The following GPRIN3 variants were observed in gnomAD, a reference collection of about 807,000 sequenced individuals.
GPRIN3 encodes G protein-regulated inducer of neurite outgrowth 3.
In GPRIN3, 12 loss-of-function variants were observed where a neutral mutation model predicts 13.7. The ratio of observed to expected loss-of-function variants is 0.87; its 90% CI spans 0.56 to 1.42. GPRIN3 has a LOEUF of 1.42. Ranked by LOEUF, GPRIN3 falls within the 40% of genes most tolerant of loss-of-function variation. The probability of loss-of-function intolerance (pLI) is 0.00; values close to 1 mark genes in which losing one functional copy is unlikely to be tolerated. For synonymous variants in GPRIN3, 377 were observed against 372.7 expected, an observed-to-expected ratio of 1.01 and a Z score of -0.13; for missense variants, 1,009 against 958.7, an observed-to-expected ratio of 1.05 and a Z score of -0.69.
At chr4:89,287,219 T>A (rs553139203) in intron 1 of GPRIN3, among the ~76,000 whole-genome samples, 5 of 152,262 alleles carry the variant, frequency 3.3e-5, no homozygotes, top group African/African-American at 1.2e-4. Flanking sequence ...AAATAACTCT[T>A]GTACTAGACA....
intron 1 of GPRIN3, among the ~76,000 whole-genome samples, chr4:89,293,516 CT>C (rs1296468454): frequency 6.6e-6 from 1 of 152,228 alleles, no homozygotes; most frequent in African/African-American, 2.4e-5. Flanking sequence ...CCCCACAGAT[CT>C]CCTCTTTTGG....
chr4:89,250,439 G>A (rs1179340209), intron 1 of GPRIN3: 7 of 197,554 alleles, frequency 3.5e-5, no homozygotes, highest in East Asian at 1.3e-4. Flanking sequence ...TTATAATTAC[G>A]AAAATATTAT....
At chr4:89,298,094 A>G (rs998450009) in intron 1 of GPRIN3, among the ~76,000 whole-genome samples, 4 of 152,178 alleles carry the variant, frequency 2.6e-5, no homozygotes, top group Admixed American at 6.5e-5. Context: ...TAGGAAAAAA[A>G]TGGAAATGAA....
In GPRIN3 at chr4:89,248,294, C is replaced by T. The variant is rs1323331154; in HGVS notation, c.1817G>A (p.Ser606Asn). 1 of 1,614,154 alleles carries T rather than the reference C, an allele frequency of 6.2e-7. No individual in the cohort carries two copies. ...GTCACCCATGGGATCAGATGGCAGG[C>T]TCAGGCTGGTGGCTGTCTTGGTCTG... ...NRQTKTATSLSLPSDPMGDSS... is the reference protein window; with the variant it reads ...NRQTKTATSLNLPSDPMGDSS... The change falls in exon 2 of 2, where the codon AGC becomes AAC. Residue 606 changes from serine (S) to asparagine (N), a missense_variant. Ser to Asn is a conservative substitution (Grantham distance 46). Transcript: ENST00000609438.
intron 1 of GPRIN3, among the ~76,000 whole-genome samples, chr4:89,307,269 T>TTA: frequency 6.8e-6 from 1 of 147,276 alleles, no homozygotes; most frequent in East Asian, 2.0e-4. Flanking sequence ...GAGACAAATG[T>TTA]CACACACACA....
At chr4:89,285,287 T>G (rs916609176) in intron 1 of GPRIN3, among the ~76,000 whole-genome samples, 2 of 152,010 alleles carry the variant, frequency 1.3e-5, no homozygotes, top group Non-Finnish European at 2.9e-5. Context: ...ACATGGCACA[T>G]GTATACCTAG....
chr4:89,249,820 G>T lies in GPRIN3; in HGVS notation c.291C>A (p.Pro97=), dbSNP rs141470892. 5.6e-6 allele frequency: 9 copies of T among 1,614,056 alleles called. No homozygotes were observed. In the East Asian group the frequency reaches 1.6e-4, roughly 28 times the overall value. ...TGCTCCCTGGCAGCTGGGGATTGCC[G>T]GGAGAGTTGAATGTGGCAGGTGCTT... The part of the protein sequence containing the change: ...VQKAPATFNS[P]GNPQLPGSSQ... Residue 97 remains proline (P), a synonymous_variant, in exon 2 of 2, where the codon CCC becomes CCA. Transcript: ENST00000609438.
chr4:89,283,215 A>G (rs1447633060), intron 1 of GPRIN3, among the ~76,000 whole-genome samples: 2 of 152,196 alleles, frequency 1.3e-5, no homozygotes. Flanking sequence ...ATTAAACATT[A>G]CTTTTTAGGC....
chr4:89,296,895 T>C (rs768520934), intron 1 of GPRIN3, among the ~76,000 whole-genome samples: 1 of 152,240 alleles, frequency 6.6e-6, no homozygotes, highest in Non-Finnish European at 1.5e-5. Flanking sequence ...ATTGCTCATT[T>C]AGAAGCTTTC....
At chr4:89,270,477 T>A (rs1723902928) in intron 1 of GPRIN3, among the ~76,000 whole-genome samples, 2 of 149,038 alleles carry the variant, frequency 1.3e-5, no homozygotes, top group African/African-American at 4.9e-5. Context: ...CTTTTTCCTG[T>A]ATGTATTTAC....
chr4:89,298,420 C>T (rs1415088564), intron 1 of GPRIN3, among the ~76,000 whole-genome samples: 3 of 151,938 alleles, frequency 2.0e-5, no homozygotes, highest in Non-Finnish European at 4.4e-5. Context: ...CTGAATTGCT[C>T]AGCATACAGG....
chr4:89,271,540 T>A (rs1348755005), intron 1 of GPRIN3, among the ~76,000 whole-genome samples: 4 of 152,030 alleles, frequency 2.6e-5, no homozygotes, highest in Non-Finnish European at 4.4e-5. Context: ...GTAAATGCTA[T>A]GTAAAGAGTT....
chr4:89,296,669 A>G (rs1305752149), intron 1 of GPRIN3, among the ~76,000 whole-genome samples: 4 of 152,130 alleles, frequency 2.6e-5, no homozygotes, highest in Admixed American at 6.5e-5. Context: ...GTGTGTGTGC[A>G]TATGTATGTG....
chr4:89,248,041 T>A lies in GPRIN3; in HGVS notation c.2070A>T (p.Gly690=). 1 of 1,614,086 alleles carries A rather than the reference T, an allele frequency of 6.2e-7. No homozygotes were observed. The highest frequency in any genetic ancestry group is 8.5e-7 in the Non-Finnish European group (1 of 1,179,982). ...ATGCACCATACACTTCCCAGGTCAT[T>A]CCCTGCTCATCCCACACGACGTCCC... is the stretch of plus-strand genomic sequence containing the variant. ...RVRDVVWDEQ[G]MTWEVYGASL... Residue 690 remains glycine (G), a synonymous_variant, in exon 2 of 2, where the codon GGA becomes GGT. Coordinates refer to ENST00000609438, the MANE Select transcript of GPRIN3 (RefSeq NM_198281.3).
intron 1 of GPRIN3, among the ~76,000 whole-genome samples, chr4:89,273,832 A>C (rs1317778192): frequency 6.6e-6 from 1 of 152,228 alleles, no homozygotes; most frequent in African/African-American, 2.4e-5. Context: ...ACCCATGACT[A>C]ATATGTTATG....
chr4:89,293,657 C>T (rs1397817797), intron 1 of GPRIN3, among the ~76,000 whole-genome samples: 2 of 152,182 alleles, frequency 1.3e-5, no homozygotes, highest in Admixed American at 6.5e-5. Context: ...TTATGGGTTT[C>T]ATTTTCTCCT....
At chr4:89,260,271 G>C (rs894015523) in intron 1 of GPRIN3, among the ~76,000 whole-genome samples, 1 of 152,148 alleles carries the variant, frequency 6.6e-6, no homozygotes, top group African/African-American at 2.4e-5. Flanking sequence ...AAATTCCTCA[G>C]GGTCTTATGG....
chr4:89,289,261 T>G (rs1424596203), intron 1 of GPRIN3, among the ~76,000 whole-genome samples: 1 of 151,732 alleles, frequency 6.6e-6, no homozygotes, highest in Non-Finnish European at 1.5e-5. Context: ...ATATCTGACC[T>G]GCATATTCTG....
intron 1 of GPRIN3, among the ~76,000 whole-genome samples, chr4:89,273,688 AAAAC>A (rs1355609825): frequency 6.6e-6 from 1 of 152,230 alleles, no homozygotes; most frequent in Non-Finnish European, 1.5e-5. Flanking sequence ...TCCGTCTCAA[AAAAC>A]AAACAGACAA....
Sources: allele counts gnomAD v4.1 joint callset (sites outside exome capture counted in the v4.1 genomes callset), GRCh38; gene constraint gnomAD v4.1.1; transcripts MANE v1.5; gene names NCBI Gene and HGNC (gene_info 2026-07-23, HGNC 2026-07-21).